The following ENTREP2 variants were observed in gnomAD, a reference collection of about 807,000 sequenced individuals.
ENTREP2 encodes protein ENTREP2.
the ENTREP2 span, among the ~76,000 whole-genome samples, chr15:29,546,341 G>C: frequency 0.047 from 7,208 of 152,198 alleles, 551 homozygotes; most frequent in African/African-American, 0.16. Context: ...CAGATAATCA[G>C]TGCAAAGTGC....
chr15:29,318,432 T>G, the ENTREP2 span, among the ~76,000 whole-genome samples: 1 of 152,164 alleles, frequency 6.6e-6, no homozygotes, highest in African/African-American at 2.4e-5. Context: ...GCCATTCTCC[T>G]GCCTCAGCCT....
At chr15:29,369,430 A>G in the ENTREP2 span, among the ~76,000 whole-genome samples, 8 of 143,414 alleles carry the variant, frequency 5.6e-5, no homozygotes, top group East Asian at 9.9e-4. Context: ...AAATGGCAAG[A>G]AAAAAAAAAG....
the ENTREP2 span, among the ~76,000 whole-genome samples, chr15:29,339,765 C>A: frequency 6.6e-6 from 1 of 152,186 alleles, no homozygotes; most frequent in African/African-American, 2.4e-5. Flanking sequence ...ACTCTAAAGT[C>A]ACTCATTAAC....
At chr15:29,631,313 T>C in the ENTREP2 span, among the ~76,000 whole-genome samples, 1 of 152,218 alleles carries the variant, frequency 6.6e-6, no homozygotes, top group Non-Finnish European at 1.5e-5. Context: ...GTTCCTGGCA[T>C]GACAAGCGGT....
the ENTREP2 span, chr15:29,235,151 C>G: frequency 1.2e-6 from 1 of 862,242 alleles, no homozygotes; most frequent in South Asian, 1.4e-5. Flanking sequence ...TCTGCCTGAG[C>G]GAGGTGGGAG....
the ENTREP2 span, among the ~76,000 whole-genome samples, chr15:29,283,017 G>A: frequency 6.6e-6 from 1 of 152,164 alleles, no homozygotes; most frequent in African/African-American, 2.4e-5. Flanking sequence ...GCTCACACAG[G>A]GAGCTGGGAC....
the ENTREP2 span, among the ~76,000 whole-genome samples, chr15:29,368,102 C>G: frequency 1.3e-5 from 2 of 151,328 alleles, no homozygotes; most frequent in Non-Finnish European, 2.9e-5. Context: ...GTGGGGAGAT[C>G]ACTCTTGAGG....
the ENTREP2 span, among the ~76,000 whole-genome samples, chr15:29,151,389 T>C: frequency 6.6e-6 from 1 of 152,174 alleles, no homozygotes; most frequent in Non-Finnish European, 1.5e-5. Flanking sequence ...AAGAGAATTC[T>C]GAAGCCCGAG....
the ENTREP2 span, among the ~76,000 whole-genome samples, chr15:29,655,506 A>T: frequency 4.5e-4 from 68 of 151,808 alleles, 1 homozygote; most frequent in South Asian, 0.013. Flanking sequence ...GACACACAAG[A>T]AAGCAACAAA....
the ENTREP2 span, among the ~76,000 whole-genome samples, chr15:29,261,840 T>C: frequency 6.6e-6 from 1 of 151,294 alleles, no homozygotes; most frequent in African/African-American, 2.4e-5. Context: ...TTATCAAATA[T>C]GAGCAATATT....
chr15:29,367,050 T>A, the ENTREP2 span, among the ~76,000 whole-genome samples: 1 of 152,202 alleles, frequency 6.6e-6, no homozygotes, highest in Non-Finnish European at 1.5e-5. Context: ...AATAACTGAA[T>A]GAAATGGTTA....
the ENTREP2 span, among the ~76,000 whole-genome samples, chr15:29,288,654 A>T: frequency 6.6e-6 from 1 of 152,220 alleles, no homozygotes; most frequent in African/African-American, 2.4e-5. Context: ...AACGTGCTGT[A>T]CAGGTTTATG....
the ENTREP2 span, among the ~76,000 whole-genome samples, chr15:29,669,120 T>G: frequency 2.6e-5 from 4 of 152,180 alleles, no homozygotes; most frequent in Non-Finnish European, 5.9e-5. Context: ...GCATGAGATT[T>G]GATTGAACCC....
At chr15:29,603,892 G>C in the ENTREP2 span, among the ~76,000 whole-genome samples, 1 of 152,126 alleles carries the variant, frequency 6.6e-6, no homozygotes, top group Non-Finnish European at 1.5e-5. Context: ...GCCTGCCTTG[G>C]CCTCCCAAAG....
chr15:29,454,965 G>T, the ENTREP2 span, among the ~76,000 whole-genome samples: 1 of 152,172 alleles, frequency 6.6e-6, no homozygotes, highest in African/African-American at 2.4e-5. Flanking sequence ...CACAAAAAAG[G>T]CCTAACACGT....
chr15:29,316,697 C>A, the ENTREP2 span, among the ~76,000 whole-genome samples: 5 of 152,108 alleles, frequency 3.3e-5, no homozygotes, highest in Admixed American at 3.3e-4. Flanking sequence ...ATTCTCTTTA[C>A]TTGTGTATAT....
At chr15:29,128,966 C>G in the ENTREP2 span, 1 of 694,140 alleles carries the variant, frequency 1.4e-6, no homozygotes, top group Non-Finnish European at 2.4e-6. Flanking sequence ...TGGTGGGAAG[C>G]GCTGAGAGAC....
At chr15:29,352,238 T>C in the ENTREP2 span, among the ~76,000 whole-genome samples, 3 of 152,148 alleles carry the variant, frequency 2.0e-5, no homozygotes, top group Non-Finnish European at 4.4e-5. Context: ...CCTGGCTTCA[T>C]AGGAAATTTA....
the ENTREP2 span, among the ~76,000 whole-genome samples, chr15:29,642,540 TGTAC>T: frequency 2.0e-5 from 3 of 148,022 alleles, no homozygotes; most frequent in African/African-American, 7.4e-5. Flanking sequence ...ATATATCATA[TGTAC>T]ATATATACAC....
Sources: gnomAD v4.1 joint callset for allele counts (sites outside exome capture counted in the v4.1 genomes callset) on GRCh38, gnomAD v4.1.1 for gene constraint, MANE v1.5 for transcripts, NCBI Gene and HGNC (gene_info 2026-07-23, HGNC 2026-07-21) for gene names.